Variants in APC observed in about 807,000 individuals in gnomAD.
APC encodes the protein adenomatous polyposis coli protein.
In APC, 72 loss-of-function variants were observed where a neutral mutation model predicts 247.0. That is an observed-to-expected ratio of 0.29 (90% CI 0.24 to 0.35). APC has a LOEUF of 0.35. Ranked by LOEUF, APC falls within the 10% of genes least tolerant of loss-of-function variation. APC has a pLI of 1.00. For missense variants in APC, 3,400 were observed against 3,360.7 expected, an observed-to-expected ratio of 1.01 and a Z score of -0.29; for synonymous variants, 1,254 against 1,162.5, an observed-to-expected ratio of 1.08 and a Z score of -1.60.
intron 2 of APC, 23 bp downstream of exon 2, chr5:112,755,048 T>C: frequency 6.2e-7 from 1 of 1,612,626 alleles, no homozygotes; most frequent in Non-Finnish European, 8.5e-7. Context: ...TGACTTTTAA[T>C]TGTAGTTTAT....
At chr5:112,792,679 A>G (rs1042659503) in intron 7 of APC, 150 bp downstream of exon 7, 5 of 651,666 alleles carry the variant, frequency 7.7e-6, no homozygotes, top group African/African-American at 1.8e-5. Context: ...AAATTAAATT[A>G]TCAAAGATTT....
intron 1 of APC, among the ~76,000 whole-genome samples, chr5:112,722,807 G>A (rs1034875217): frequency 3.3e-5 from 5 of 152,236 alleles, no homozygotes; most frequent in East Asian, 3.9e-4. Flanking sequence ...TACCAACCTC[G>A]AGGAACCTCC....
At chr5:112,713,679 ATTTT>A (rs1750991649) in intron 1 of APC, among the ~76,000 whole-genome samples, 4 of 152,104 alleles carry the variant, frequency 2.6e-5, no homozygotes, top group Admixed American at 2.6e-4. Flanking sequence ...TTCAGTGTTT[ATTTT>A]CTGAGAGAGA....
rs766043400 is a variant in APC, at chr5:112,801,233, G to A, written c.730-46G>A. ...AGAAAAAAAGCCTTGGGCTAAGAAA[G>A]CCTACACCATTTTTGCATGTACTGA... On this transcript the variant is annotated intron_variant, in intron 7 of 15. Transcript: ENST00000257430. 15 of 1,522,278 alleles carry A rather than the reference G, an allele frequency of 9.9e-6. 2 individuals carry two copies. In the South Asian group the frequency reaches 1.7e-4, roughly 17 times the overall value. 94.3% of individuals were successfully genotyped at this position (1,522,278 alleles called of 1,614,324 possible).
intron 7 of APC, among the ~76,000 whole-genome samples, chr5:112,795,300 A>G (rs1208064638): frequency 6.6e-6 from 1 of 152,236 alleles, no homozygotes; most frequent in African/African-American, 2.4e-5. Context: ...TGTTAGGATT[A>G]CAGGCATAAG....
At chr5:112,836,361 A>AT in intron 15 of APC, among the ~76,000 whole-genome samples, 1 of 152,014 alleles carries the variant, frequency 6.6e-6, no homozygotes, top group East Asian at 1.9e-4. Flanking sequence ...TAGCTTATTC[A>AT]TTTTTTAAGT....
In APC at chr5:112,843,290, A is replaced by C. The variant is rs1060504883; in HGVS notation, c.7696A>C (p.Arg2566=). 6.2e-7 allele frequency: 1 copy of C among 1,612,864 alleles called. No individual in the cohort carries two copies. The highest frequency in any genetic ancestry group is 8.5e-7 in the Non-Finnish European group (1 of 1,178,838). ...SSLPRVSTWR[R]TGSSSSILSA... ...CCTTCCTCGAGTAAGCACTTGGAGA[A>C]GAACTGGAAGTTCATCTTCAATTCT... Residue 2566 remains arginine (R), a synonymous_variant, in exon 16 of 16, where the codon AGA becomes CGA. Coordinates refer to ENST00000257430, the MANE Select transcript of APC (RefSeq NM_000038.6). This position sits in a 1 kb window ranked among gnomAD's most constrained non-coding sequence, Gnocchi z 4.8.
At chr5:112,834,447 A>G (rs899665908) in intron 14 of APC, among the ~76,000 whole-genome samples, 1 of 147,948 alleles carries the variant, frequency 6.8e-6, no homozygotes, top group African/African-American at 2.5e-5. Flanking sequence ...GTTTTACCAC[A>G]TTGGCGAGGC....
intron 1 of APC, among the ~76,000 whole-genome samples, chr5:112,709,396 G>A (rs1439348442): frequency 6.6e-6 from 1 of 152,158 alleles, no homozygotes; most frequent in African/African-American, 2.4e-5. Context: ...TTTGCTTCTT[G>A]TATGGGCTAG....
chr5:112,841,945 A>AGCT lies in APC; in HGVS notation c.6363_6365dup (p.Ala2122dup), dbSNP rs587780602. 6.0e-4 allele frequency: 975 copies of AGCT among 1,613,924 alleles called. 3 individuals are homozygous for AGCT. The highest frequency in any genetic ancestry group is 8.0e-4 in the Non-Finnish European group (942 of 1,179,908). ...ATTCCATAGTAAGTAGTTTACATCA[A>AGCT]GCTGCTGCTGCTGCATGTTTATCTA... On this transcript the variant is annotated inframe_insertion, in exon 16 of 16. Transcript: ENST00000257430. This position sits in a 1 kb window ranked among gnomAD's most constrained non-coding sequence, Gnocchi z 4.6.
At chr5:112,805,784 A>G (rs1269272186) in intron 8 of APC, among the ~76,000 whole-genome samples, 3 of 152,232 alleles carry the variant, frequency 2.0e-5, no homozygotes, top group Non-Finnish European at 2.9e-5. Context: ...TCACAGTAGC[A>G]TGCTCTGCCA....
In APC at chr5:112,842,856, C is replaced by T. The variant is rs536557651; in HGVS notation, c.7262C>T (p.Ser2421Leu). ...NKKVELSRMS[S>L]TKSSGSESDR... Reference sequence around the variant, plus strand: ...AAGGTAGAACTTTCTAGAATGTCTTCAACTAAATCAAGTGGAAGTGAATCT... The same window carrying T: ...AAGGTAGAACTTTCTAGAATGTCTTTAACTAAATCAAGTGGAAGTGAATCT... The change falls in exon 16 of 16, where the codon TCA becomes TTA. Residue 2421 changes from serine (S) to leucine (L), a missense_variant. Physicochemically the swap from Ser to Leu is moderately radical, Grantham distance 145. Coordinates refer to ENST00000257430, the MANE Select transcript of APC (RefSeq NM_000038.6). The T allele has an allele frequency of 3.7e-6, 6 of 1,613,918 alleles. No homozygotes were observed. The Admixed American group carries it at 8.3e-5, about 22-fold the overall frequency.
chr5:112,827,368 AAACCTG>A, intron 12 of APC, 121 bp downstream of exon 12: 1 of 1,136,390 alleles, frequency 8.8e-7, no homozygotes, highest in Non-Finnish European at 1.3e-6. Flanking sequence ...TGACTGATAA[AAACCTG>A]TGCTTCACAT....
chr5:112,780,378 A>G (rs896486938), intron 5 of APC, among the ~76,000 whole-genome samples: 8 of 152,178 alleles, frequency 5.3e-5, no homozygotes, highest in African/African-American at 1.9e-4. Flanking sequence ...GTATGAGCTT[A>G]AGAATGATGG....
chr5:112,825,380 C>T (rs1375263472), intron 11 of APC, among the ~76,000 whole-genome samples: 1 of 152,128 alleles, frequency 6.6e-6, no homozygotes, highest in Non-Finnish European at 1.5e-5. Context: ...CCTTTTTCTG[C>T]GTAAAATCTT....
intron 8 of APC, among the ~76,000 whole-genome samples, chr5:112,803,415 G>T (rs1580462821): frequency 1.3e-5 from 2 of 152,296 alleles, no homozygotes; most frequent in South Asian, 4.1e-4. Flanking sequence ...GTCAGCTGTA[G>T]ATTAGTTAAG....
In APC at chr5:112,767,169, C is replaced by T. The variant is rs2149787349; in HGVS notation, c.221-20C>T. 1 of 1,591,302 alleles carries T rather than the reference C, an allele frequency of 6.3e-7. No individual in the cohort carries two copies. Among genetic ancestry groups the T allele is most frequent in the Non-Finnish European group, 8.6e-7 (1 of 1,159,528 alleles). On this transcript the variant is annotated intron_variant, in intron 3 of 15. Transcript: ENST00000257430. ...GCTTAAAGCAATTGTTGTATAAAAA[C>T]TTGTTTCTATTTTATTTAGAGCTTA...
chr5:112,783,612 G>A (rs1286517357), intron 6 of APC, among the ~76,000 whole-genome samples: 3 of 141,614 alleles, frequency 2.1e-5, no homozygotes, highest in South Asian at 2.3e-4. Flanking sequence ...GAGCAAGATA[G>A]CAAGACCCTG....
At chr5:112,768,702 C>G (rs930513527) in intron 4 of APC, among the ~76,000 whole-genome samples, 1 of 151,960 alleles carries the variant, frequency 6.6e-6, no homozygotes, top group Admixed American at 6.6e-5. Flanking sequence ...ATATTGTTAA[C>G]TGTGCTCATC....
Sources: gnomAD v4.1 joint callset for allele counts (sites outside exome capture counted in the v4.1 genomes callset) on GRCh38, gnomAD v4.1.1 for gene constraint, Gnocchi (gnomAD v3.1) non-coding constraint, MANE v1.5 for transcripts, NCBI Gene and HGNC (gene_info 2026-07-23, HGNC 2026-07-21) for gene names.